Variants in ATE1 observed in about 807,000 individuals in gnomAD.
ATE1 encodes arginyltransferase 1, also known as arginyl-tRNA--protein transferase 1.
In ATE1, 36 loss-of-function variants were observed where a neutral mutation model predicts 70.5. The observed-to-expected ratio is 0.51, with a 90% CI of 0.39 to 0.67. ATE1 has a LOEUF of 0.67. ATE1 is among the 30% of genes least tolerant of loss of function. The pLI is 0.00. For missense variants in ATE1, 593 were observed against 629.5 expected, an observed-to-expected ratio of 0.94 and a Z score of 0.62; for synonymous variants, 232 against 219.3, an observed-to-expected ratio of 1.06 and a Z score of -0.51.
chr10:121,745,179 A>G (rs1944298944), intron 11 of ATE1, among the ~76,000 whole-genome samples: 1 of 152,230 alleles, frequency 6.6e-6, no homozygotes, highest in Non-Finnish European at 1.5e-5. Flanking sequence ...GTCACTCCTA[A>G]TCCTAAAGAA....
chr10:121,840,676 T>C (rs1325812766), intron 9 of ATE1, among the ~76,000 whole-genome samples: 1 of 151,896 alleles, frequency 6.6e-6, no homozygotes, highest in Non-Finnish European at 1.5e-5. Flanking sequence ...CTAAAGATAG[T>C]ACCTTATAAA....
At chr10:121,907,625 T>A (rs894167092) in intron 5 of ATE1, among the ~76,000 whole-genome samples, 1 of 150,930 alleles carries the variant, frequency 6.6e-6, no homozygotes, top group African/African-American at 2.4e-5. Flanking sequence ...ATACAAAAAA[T>A]TAGCATGGTG....
At chr10:121,791,055 C>CGTGT (rs71189171) in intron 10 of ATE1, among the ~76,000 whole-genome samples, 20 of 135,880 alleles carry the variant, frequency 1.5e-4, no homozygotes, top group East Asian at 6.4e-4. Flanking sequence ...TATATGTATA[C>CGTGT]GTGTGTGTGT....
intron 7 of ATE1, among the ~76,000 whole-genome samples, chr10:121,880,318 A>T (rs1034352214): frequency 3.9e-4 from 59 of 152,244 alleles, no homozygotes; most frequent in African/African-American, 1.4e-3. Flanking sequence ...CAATGCTATG[A>T]AATGACACTT....
chr10:121,898,947 A>G, intron 7 of ATE1: 1 of 1,613,832 alleles, frequency 6.2e-7, no homozygotes, highest in East Asian at 2.2e-5. Context: ...TGGGTCCTCA[A>G]AGGAGACAGG....
intron 11 of ATE1, among the ~76,000 whole-genome samples, chr10:121,767,311 C>T (rs1945318469): frequency 6.6e-6 from 1 of 152,278 alleles, no homozygotes; most frequent in African/African-American, 2.4e-5. Flanking sequence ...AGACTGAATG[C>T]TTTCCCCCTA....
intron 8 of ATE1, among the ~76,000 whole-genome samples, chr10:121,842,554 AAC>A (rs1948668777): frequency 6.6e-6 from 1 of 152,216 alleles, no homozygotes; most frequent in Non-Finnish European, 1.5e-5. Context: ...ATCTCCCATG[AAC>A]ACAGATGCAA....
At chr10:121,786,202 GTTTTTTTTTTTT>G (rs66781912) in intron 11 of ATE1, among the ~76,000 whole-genome samples, 42 of 84,518 alleles carry the variant, frequency 5.0e-4, no homozygotes, top group East Asian at 3.8e-3. Context: ...GCTCAAGAAA[GTTTTTTTTTTTT>G]TTTTTTTTTT....
intron 7 of ATE1, among the ~76,000 whole-genome samples, chr10:121,892,996 A>ACACC (rs1950633755): frequency 6.6e-6 from 1 of 152,156 alleles, no homozygotes; most frequent in Admixed American, 6.5e-5. Context: ...AAGCAATTGT[A>ACACC]GGCCGGGCAC....
chr10:121,828,908 A>C (rs1343878092), intron 10 of ATE1, among the ~76,000 whole-genome samples: 1 of 152,232 alleles, frequency 6.6e-6, no homozygotes, highest in East Asian at 1.9e-4. Flanking sequence ...ATATATGGTG[A>C]AGAAACTTAC....
At chr10:121,827,485 G>C (rs541681711) in intron 10 of ATE1, among the ~76,000 whole-genome samples, 1 of 152,062 alleles carries the variant, frequency 6.6e-6, no homozygotes, top group Non-Finnish European at 1.5e-5. Context: ...TACCCCTCCC[G>C]CTTCAGCAGG....
intron 10 of ATE1, among the ~76,000 whole-genome samples, chr10:121,791,161 T>G (rs1389845339): frequency 6.6e-6 from 1 of 151,210 alleles, no homozygotes; most frequent in Non-Finnish European, 1.5e-5. Flanking sequence ...TGGTGCAATC[T>G]TGGCTCACTG....
chr10:121,823,268 C>T (rs910538986), intron 10 of ATE1, among the ~76,000 whole-genome samples: 2 of 151,634 alleles, frequency 1.3e-5, no homozygotes, highest in African/African-American at 4.8e-5. Flanking sequence ...ACAGCCTGGG[C>T]GACAGAACAA....
intron 11 of ATE1, among the ~76,000 whole-genome samples, chr10:121,751,173 T>C (rs1265071297): frequency 6.6e-6 from 1 of 152,240 alleles, no homozygotes; most frequent in Non-Finnish European, 1.5e-5. Context: ...TATAAAGTAA[T>C]ACTGTTGTAA....
At chr10:121,870,433 T>C (rs1489396408) in intron 7 of ATE1, among the ~76,000 whole-genome samples, 1 of 151,990 alleles carries the variant, frequency 6.6e-6, no homozygotes, top group African/African-American at 2.4e-5. Context: ...GAGAAGAAGA[T>C]ATAAACCAAT....
chr10:121,926,204 T>G (rs947045526), intron 1 of ATE1, among the ~76,000 whole-genome samples: 2 of 152,032 alleles, frequency 1.3e-5, no homozygotes, highest in Non-Finnish European at 2.9e-5. Context: ...AGTGAAACTG[T>G]GTCTCAAAAT....
chr10:121,790,443 G>A (rs994552658), intron 10 of ATE1, among the ~76,000 whole-genome samples, 154 bp from the exon 11 acceptor site: 1 of 152,174 alleles, frequency 6.6e-6, no homozygotes, highest in African/African-American at 2.4e-5. Flanking sequence ...GTAGCTGATA[G>A]TTTTCCCATC....
At chr10:121,760,719 T>C (rs759921529) in intron 11 of ATE1, among the ~76,000 whole-genome samples, 1 of 152,226 alleles carries the variant, frequency 6.6e-6, no homozygotes, top group Non-Finnish European at 1.5e-5. Context: ...ACTTAGTTGA[T>C]AAATCAGCAG....
chr10:121,766,440 A>G (rs986063896), intron 11 of ATE1, among the ~76,000 whole-genome samples: 3 of 152,162 alleles, frequency 2.0e-5, no homozygotes, highest in African/African-American at 7.2e-5. Flanking sequence ...ACAACCCTAC[A>G]AAGACTCTGA....
Sources: allele counts gnomAD v4.1 joint callset (sites outside exome capture counted in the v4.1 genomes callset), GRCh38; gene constraint gnomAD v4.1.1; transcripts MANE v1.5; gene names NCBI Gene and HGNC (gene_info 2026-07-23, HGNC 2026-07-21).